RPRD1B: variants seen among roughly 807,000 people sequenced by gnomAD.
RPRD1B encodes the protein regulation of nuclear pre-mRNA domain containing 1B.
Under a neutral mutation model 41.5 loss-of-function variants are expected in RPRD1B, and 11 were observed. That is an observed-to-expected ratio of 0.27 (90% CI 0.17 to 0.44). RPRD1B has a LOEUF of 0.44. Among genes scored for constraint, RPRD1B ranks in the 20% least tolerant of loss-of-function variants. The pLI is 1.00. For missense variants in RPRD1B, 248 were observed against 389.9 expected (o/e 0.64, Z 3.06); for synonymous variants, 158 against 155.6 (o/e 1.02, Z -0.12).
At chr20:38,065,848 C>G (rs925796076) in intron 5 of RPRD1B, 6 of 373,224 alleles carry the variant, frequency 1.6e-5, no homozygotes, top group Non-Finnish European at 2.9e-5. Context: ...TTGCCAGATT[C>G]CCCCCATGTA....
rs112797344 is a variant in RPRD1B at position 38,034,590 on chromosome 20, C to T, written c.151+492C>T. ...TAAGAGGGAGGCAAGGATAGCTACCCCTTACAAAGCCTTTACTTCATACCA... is the reference window on the plus strand; with the variant it reads ...TAAGAGGGAGGCAAGGATAGCTACCTCTTACAAAGCCTTTACTTCATACCA... On this transcript the variant is annotated intron_variant, in intron 1 of 6. Coordinates refer to ENST00000373433, the MANE Select transcript of RPRD1B (RefSeq NM_021215.4). Among the ~76,000 whole-genome samples, 531 of 152,302 alleles carry T rather than the reference C, an allele frequency of 3.5e-3. 4 individuals carry two copies. Among genetic ancestry groups the T allele is most frequent in the African/African-American group, 0.012 (508 of 41,552 alleles).
Position 38,080,339 on chromosome 20 carries a change from A to C in RPRD1B, c.832-9387A>C, listed in dbSNP as rs1164498598. 1.3e-5 allele frequency among the ~76,000 whole-genome samples: 2 copies of C among 152,190 alleles called. 1 individual carries two copies. Among genetic ancestry groups the C allele is most frequent in the South Asian group, 4.1e-4 (2 of 4,830 alleles). ...TAGGGTCTTTGTAGTTGGAGGTTTT[A>C]CATTAAGTCTTGATCCACTTTGAGT... On this transcript the variant is annotated intron_variant, in intron 6 of 6. Coordinates refer to ENST00000373433, the MANE Select transcript of RPRD1B (RefSeq NM_021215.4).
intron 6 of RPRD1B, among the ~76,000 whole-genome samples, chr20:38,084,254 C>G (rs758018036): frequency 8.6e-5 from 13 of 152,022 alleles, no homozygotes; most frequent in Non-Finnish European, 1.6e-4. Context: ...GGCAGGTCAC[C>G]TTTAAAAGAG....
Position 38,082,554 on chromosome 20 carries a change from A to AT in RPRD1B, c.832-7166dup, listed in dbSNP as rs2074523351. Among the ~76,000 whole-genome samples, 4 of 151,860 alleles carry AT rather than the reference A, an allele frequency of 2.6e-5. No homozygotes were observed. The South Asian group carries it at 8.3e-4, about 32-fold the overall frequency. Reference sequence around the variant, plus strand: ...AGGCACCTGCTACCATGCCTGGCTAATTTTTTGTATTTTTAATAGAGACGG... The same window carrying AT: ...AGGCACCTGCTACCATGCCTGGCTAATTTTTTTGTATTTTTAATAGAGACGG... On this transcript the variant is annotated intron_variant, in intron 6 of 6. Transcript: ENST00000373433.
intron 5 of RPRD1B, among the ~76,000 whole-genome samples, chr20:38,062,937 C>T (rs1361647102): frequency 1.4e-5 from 2 of 147,120 alleles, no homozygotes; most frequent in African/African-American, 5.0e-5. Context: ...TGGACTCAAG[C>T]AATCCTCCCA....
In RPRD1B at chr20:38,040,335, A is replaced by C. The variant is rs1600677379; in HGVS notation, c.152-100A>C. 3.2e-6 allele frequency: 3 copies of C among 940,878 alleles called. No individual in the cohort carries two copies. In the East Asian group the frequency reaches 8.6e-5, roughly 27 times the overall value. The allele number at this position is 940,878 out of a possible 1,614,324, so 58.3% of individuals were successfully genotyped here. A position where few individuals can be genotyped will look rare whatever the true frequency, so the allele number is the denominator to read the frequency against. On this transcript the variant is annotated intron_variant, in intron 1 of 6. Transcript: ENST00000373433. ...CTACTTGACCCCCCAGGTAGATAATACTTGTCTTAATGTTTTTTTAGGAGC... is the reference window on the plus strand; with the variant it reads ...CTACTTGACCCCCCAGGTAGATAATCCTTGTCTTAATGTTTTTTTAGGAGC...
At chr20:38,074,583 C>A (rs1311669875) in intron 6 of RPRD1B, among the ~76,000 whole-genome samples, 3 of 152,086 alleles carry the variant, frequency 2.0e-5, no homozygotes, top group African/African-American at 7.2e-5. Flanking sequence ...GCAGTGTAAC[C>A]CCTGCTTGAT....
chr20:38,068,264 G>C (rs776320659), intron 6 of RPRD1B, among the ~76,000 whole-genome samples: 12 of 152,232 alleles, frequency 7.9e-5, no homozygotes, highest in Non-Finnish European at 1.3e-4. Context: ...CCCACCACTG[G>C]AACCAACGTA....
intron 5 of RPRD1B, among the ~76,000 whole-genome samples, chr20:38,065,107 T>C (rs574599128): frequency 8.5e-4 from 130 of 152,338 alleles, no homozygotes; most frequent in Admixed American, 8.4e-3. Context: ...GTGGGTCATG[T>C]TCAGAAACAT....
At chr20:38,072,384 A>G (rs1211411259) in intron 6 of RPRD1B, among the ~76,000 whole-genome samples, 2 of 152,184 alleles carry the variant, frequency 1.3e-5, no homozygotes, top group African/African-American at 4.8e-5. Context: ...GTATATGTCT[A>G]TCCTATGCTC....
intron 3 of RPRD1B, among the ~76,000 whole-genome samples, chr20:38,056,076 G>C (rs915261670): frequency 3.9e-5 from 6 of 152,050 alleles, no homozygotes; most frequent in Admixed American, 3.9e-4. Context: ...TTTTGTAATA[G>C]ACAGAATCAT....
chr20:38,074,192 C>A (rs747286801), intron 6 of RPRD1B, among the ~76,000 whole-genome samples: 1 of 152,016 alleles, frequency 6.6e-6, no homozygotes, highest in African/African-American at 2.4e-5. Context: ...CCGCCAGTTT[C>A]CCTCCAATAT....
At chr20:38,043,089 G>A (rs2074083748) in intron 2 of RPRD1B, among the ~76,000 whole-genome samples, 1 of 152,174 alleles carries the variant, frequency 6.6e-6, no homozygotes, top group Non-Finnish European at 1.5e-5. Flanking sequence ...CAGTGAACAA[G>A]GCAGGCAAAG....
intron 2 of RPRD1B, among the ~76,000 whole-genome samples, chr20:38,045,938 A>G (rs1189397804): frequency 6.6e-6 from 1 of 152,202 alleles, no homozygotes; most frequent in African/African-American, 2.4e-5. Flanking sequence ...GTGCTTTAAT[A>G]TGGCATTCAG....
intron 6 of RPRD1B, among the ~76,000 whole-genome samples, chr20:38,081,019 AT>A (rs2074507717): frequency 6.6e-6 from 1 of 152,186 alleles, no homozygotes; most frequent in South Asian, 2.1e-4. Context: ...CTCAGAATCA[AT>A]TTTAGAATAT....
At chr20:38,037,664 A>G (rs545604566) in intron 1 of RPRD1B, among the ~76,000 whole-genome samples, 3 of 152,128 alleles carry the variant, frequency 2.0e-5, no homozygotes, top group Non-Finnish European at 2.9e-5. Context: ...ACTGTTGAGG[A>G]TGTTGAATAT....
intron 2 of RPRD1B, among the ~76,000 whole-genome samples, chr20:38,044,851 C>T (rs536161168): frequency 6.6e-6 from 1 of 152,296 alleles, no homozygotes; most frequent in African/African-American, 2.4e-5. Context: ...ACATGAGGTA[C>T]TGTTGGAAGT....
At chr20:38,036,693 G>C (rs1051289592) in intron 1 of RPRD1B, among the ~76,000 whole-genome samples, 2 of 152,176 alleles carry the variant, frequency 1.3e-5, no homozygotes, top group African/African-American at 4.8e-5. Context: ...CAGCATAAAG[G>C]ATATAAACAG....
chr20:38,066,480 CA>C (rs1165452713), intron 6 of RPRD1B, among the ~76,000 whole-genome samples: 1 of 152,172 alleles, frequency 6.6e-6, no homozygotes, highest in African/African-American at 2.4e-5. Flanking sequence ...AGGAAACAAA[CA>C]GTGAACTCTT....
Sources: allele counts gnomAD v4.1 joint callset (sites outside exome capture counted in the v4.1 genomes callset), GRCh38; gene constraint gnomAD v4.1.1; transcripts MANE v1.5; gene names NCBI Gene and HGNC (gene_info 2026-07-23, HGNC 2026-07-21).